TMEFF2: variants seen among roughly 807,000 people sequenced by gnomAD.
TMEFF2 encodes the protein tomoregulin-2.
A neutral mutation model predicts 53.8 loss-of-function variants in TMEFF2; 28 were observed. That is an observed-to-expected ratio of 0.52 (90% CI 0.39 to 0.71). The LOEUF (loss-of-function observed/expected upper bound fraction) is 0.71. Ranked by LOEUF, TMEFF2 falls within the 30% of genes least tolerant of loss-of-function variation. The probability of loss-of-function intolerance (pLI) is 0.00; values close to 1 mark genes in which losing one functional copy is unlikely to be tolerated. For missense variants in TMEFF2, 353 were observed against 455.2 expected, an observed-to-expected ratio of 0.78 and a Z score of 2.04; for synonymous variants, 162 against 166.3, an observed-to-expected ratio of 0.97 and a Z score of 0.20.
chr2:191,966,317 T>C (rs1435808654), intron 7 of TMEFF2, among the ~76,000 whole-genome samples: 32 of 152,186 alleles, frequency 2.1e-4, no homozygotes, highest in Non-Finnish European at 5.9e-5. Context: ...CCACAGCTTC[T>C]GGTGAGGCTA....
At chr2:192,171,688 C>T (rs951134235) in intron 4 of TMEFF2, among the ~76,000 whole-genome samples, 3 of 151,912 alleles carry the variant, frequency 2.0e-5, no homozygotes, top group Admixed American at 6.6e-5. Flanking sequence ...CCTGCAATGT[C>T]CTTCTCTCCC....
At chr2:192,039,879 T>C (rs1687430236) in intron 5 of TMEFF2, among the ~76,000 whole-genome samples, 1 of 152,110 alleles carries the variant, frequency 6.6e-6, no homozygotes, top group Admixed American at 6.5e-5. Context: ...AGGAATACAG[T>C]GGCCATGTAT....
At chr2:192,025,752 T>C (rs1686956648) in intron 5 of TMEFF2, among the ~76,000 whole-genome samples, 1 of 152,166 alleles carries the variant, frequency 6.6e-6, no homozygotes, top group Non-Finnish European at 1.5e-5. Flanking sequence ...TTAGGTGTGG[T>C]ACTATTCTAA....
At chr2:191,956,231 T>C (rs765746996) in intron 8 of TMEFF2, 24 bp downstream of exon 8, 5 of 1,592,540 alleles carry the variant, frequency 3.1e-6, no homozygotes, top group Non-Finnish European at 4.3e-6. Context: ...ATACATTAAC[T>C]ATTCTTGCGA....
chr2:192,093,733 C>T (rs1420586130), intron 4 of TMEFF2, among the ~76,000 whole-genome samples: 1 of 151,814 alleles, frequency 6.6e-6, no homozygotes, highest in Non-Finnish European at 1.5e-5. Flanking sequence ...AGATCCACTG[C>T]TGTGATTTTA....
intron 7 of TMEFF2, among the ~76,000 whole-genome samples, chr2:191,996,128 C>T (rs1379170072): frequency 6.6e-6 from 1 of 151,810 alleles, no homozygotes; most frequent in African/African-American, 2.4e-5. Flanking sequence ...ATTCAATTAT[C>T]AAATCTCTTT....
intron 4 of TMEFF2, among the ~76,000 whole-genome samples, chr2:192,087,530 T>C (rs1688694888): frequency 6.6e-6 from 1 of 152,134 alleles, no homozygotes; most frequent in African/African-American, 2.4e-5. Flanking sequence ...GCCCGTCAAA[T>C]CTTTGTTTGT....
chr2:192,124,313 C>T (rs1469064075), intron 4 of TMEFF2, among the ~76,000 whole-genome samples: 1 of 152,194 alleles, frequency 6.6e-6, no homozygotes, highest in Non-Finnish European at 1.5e-5. Context: ...TTTATGGTTT[C>T]ATTTAGACTG....
intron 7 of TMEFF2, among the ~76,000 whole-genome samples, chr2:191,988,131 A>C (rs1252867764): frequency 2.0e-5 from 3 of 152,206 alleles, no homozygotes; most frequent in Non-Finnish European, 4.4e-5. Flanking sequence ...CATAAGCATT[A>C]ATAGTTGCCT....
chr2:191,979,538 A>G (rs1685806392), intron 7 of TMEFF2, among the ~76,000 whole-genome samples: 1 of 4,086 alleles, frequency 2.4e-4, no homozygotes, highest in Non-Finnish European at 0.016. Context: ...GGCTAACGCT[A>G]TACAAAACTC....
At chr2:192,182,133 A>G (rs956502822) in intron 3 of TMEFF2, among the ~76,000 whole-genome samples, 2 of 151,896 alleles carry the variant, frequency 1.3e-5, no homozygotes, top group Non-Finnish European at 2.9e-5. Flanking sequence ...ACAAAAAAAA[A>G]TTAAGTTCAA....
intron 4 of TMEFF2, among the ~76,000 whole-genome samples, chr2:192,069,988 G>GTGTATA (rs1340532324): frequency 9.3e-5 from 11 of 118,816 alleles, no homozygotes; most frequent in African/African-American, 1.0e-4. Context: ...GTGTGTGTGT[G>GTGTATA]TATATATATA....
intron 5 of TMEFF2, among the ~76,000 whole-genome samples, chr2:192,043,007 G>A (rs1447053692): frequency 6.6e-6 from 1 of 152,120 alleles, no homozygotes; most frequent in Admixed American, 6.5e-5. Context: ...TACTGACTTG[G>A]GAAATCTAAA....
At chr2:192,107,569 C>T (rs1450906415) in intron 4 of TMEFF2, among the ~76,000 whole-genome samples, 1 of 151,554 alleles carries the variant, frequency 6.6e-6, no homozygotes, top group African/African-American at 2.4e-5. Flanking sequence ...AGCAGAACTG[C>T]CCAATTTATA....
chr2:191,966,563 C>T (rs1360361613), intron 7 of TMEFF2, among the ~76,000 whole-genome samples: 1 of 152,056 alleles, frequency 6.6e-6, no homozygotes, highest in Non-Finnish European at 1.5e-5. Context: ...GCCATTCACA[C>T]TGTGTGTATA....
In TMEFF2 at chr2:191,956,609, C is replaced by G. The variant is rs561517509; in HGVS notation, c.746-231G>C. Among the ~76,000 whole-genome samples, 5 of 152,272 alleles carry G rather than the reference C, an allele frequency of 3.3e-5. No individual in the cohort carries two copies. The South Asian group carries it at 8.3e-4, about 25-fold the overall frequency. On this transcript the variant is annotated intron_variant, in intron 7 of 9. Transcript: ENST00000272771. ...GCTTTTTATGCTTTCATGCAATTTC[C>G]TACATCTTTAACAGCTAGTGGTGTT...
At chr2:191,982,504 C>CAA (rs10678696) in intron 7 of TMEFF2, among the ~76,000 whole-genome samples, 31,863 of 138,410 alleles carry the variant, frequency 0.23, 3,745 homozygotes, top group Middle Eastern at 0.26. Flanking sequence ...TGAAAACAGG[C>CAA]AAAAAAAAAA....
intron 4 of TMEFF2, among the ~76,000 whole-genome samples, chr2:192,075,957 G>A (rs1688422019): frequency 6.6e-6 from 1 of 151,566 alleles, no homozygotes; most frequent in Admixed American, 6.6e-5. Flanking sequence ...AGAAAGGAAA[G>A]AAGGAAGCAA....
chr2:192,116,414 G>A (rs911597375), intron 4 of TMEFF2, among the ~76,000 whole-genome samples: 2 of 151,886 alleles, frequency 1.3e-5, no homozygotes, highest in Admixed American at 6.6e-5. Context: ...GTACAGCATC[G>A]TGAGTATACT....
Sources: gnomAD v4.1 joint callset for allele counts (sites outside exome capture counted in the v4.1 genomes callset) on GRCh38, gnomAD v4.1.1 for gene constraint, MANE v1.5 for transcripts, NCBI Gene and HGNC (gene_info 2026-07-23, HGNC 2026-07-21) for gene names.